TRPC4: variants seen among roughly 807,000 people sequenced by gnomAD.
TRPC4 encodes the protein transient receptor potential cation channel subfamily C member 4, also known as short transient receptor potential channel 4.
In TRPC4, 49 loss-of-function variants were observed where a neutral mutation model predicts 99.4. The observed-to-expected ratio is 0.49, with a 90% confidence interval of 0.39 to 0.63. The LOEUF (loss-of-function observed/expected upper bound fraction) is 0.63, where lower values mean the gene tolerates loss of function less well. Ranked by LOEUF, TRPC4 falls within the 20% of genes least tolerant of loss-of-function variation. TRPC4 has a pLI of 0.00. For missense variants in TRPC4, 898 were observed against 1,152.9 expected, an observed-to-expected ratio of 0.78 and a Z score of 3.20; for synonymous variants, 454 against 425.9, an observed-to-expected ratio of 1.07 and a Z score of -0.81.
intron 6 of TRPC4, among the ~76,000 whole-genome samples, chr13:37,659,261 C>T (rs771443523): frequency 1.3e-5 from 2 of 151,990 alleles, no homozygotes; most frequent in Non-Finnish European, 2.9e-5. Flanking sequence ...ACTATCAGTT[C>T]TCACAAGAGC....
chr13:37,642,736 C>CT (rs796528635), intron 8 of TRPC4, among the ~76,000 whole-genome samples: 2 of 2,802 alleles, frequency 7.1e-4, no homozygotes, highest in Admixed American at 8.2e-3. Context: ...CTTTCTTTTT[C>CT]TTTTTTTTTT....
intron 1 of TRPC4, among the ~76,000 whole-genome samples, chr13:37,851,755 C>T (rs1383006375): frequency 6.6e-6 from 1 of 152,168 alleles, no homozygotes. Flanking sequence ...GAGAGACAGT[C>T]TTAATTGCTG....
chr13:37,786,025 G>T (rs757374028), intron 1 of TRPC4, among the ~76,000 whole-genome samples: 5 of 151,910 alleles, frequency 3.3e-5, no homozygotes, highest in Non-Finnish European at 7.4e-5. Context: ...ATTTGCATTA[G>T]GTAATCTATT....
intron 1 of TRPC4, among the ~76,000 whole-genome samples, chr13:37,822,679 A>C (rs1958051379): frequency 6.6e-6 from 1 of 152,070 alleles, no homozygotes; most frequent in Non-Finnish European, 1.5e-5. Context: ...ATTGTTGGAC[A>C]TTTGGGTTGG....
At chr13:37,750,739 G>A (rs1245241337) in intron 2 of TRPC4, among the ~76,000 whole-genome samples, 1 of 151,938 alleles carries the variant, frequency 6.6e-6, no homozygotes, top group African/African-American at 2.4e-5. Flanking sequence ...ATGGTGGTTT[G>A]CTGCACCCAT....
intron 1 of TRPC4, among the ~76,000 whole-genome samples, chr13:37,783,649 T>C (rs1004067978): frequency 1.1e-4 from 17 of 152,104 alleles, no homozygotes; most frequent in African/African-American, 3.9e-4. Flanking sequence ...TTTATAGTTT[T>C]GGAAATTATT....
chr13:37,793,830 G>A (rs1445863561), intron 1 of TRPC4, among the ~76,000 whole-genome samples: 1 of 152,144 alleles, frequency 6.6e-6, no homozygotes, highest in Non-Finnish European at 1.5e-5. Flanking sequence ...TCTTTTGAAA[G>A]GTTCAAGTTG....
intron 1 of TRPC4, among the ~76,000 whole-genome samples, chr13:37,833,071 G>T (rs1260979774): frequency 6.6e-6 from 1 of 151,136 alleles, no homozygotes; most frequent in Admixed American, 6.6e-5. Context: ...CTTTTTTCTT[G>T]TTTATCTCTT....
At chr13:37,746,487 T>C in intron 2 of TRPC4, 32 bp from the exon 3 acceptor site, 8 of 1,558,720 alleles carry the variant, frequency 5.1e-6, no homozygotes, top group Non-Finnish European at 6.0e-6. Flanking sequence ...GTGATGAATA[T>C]TTATTCTTTT....
intron 1 of TRPC4, among the ~76,000 whole-genome samples, chr13:37,809,360 AGTT>A (rs752788090): frequency 1.3e-5 from 2 of 151,874 alleles, no homozygotes; most frequent in Non-Finnish European, 2.9e-5. Flanking sequence ...CTTATCCCGT[AGTT>A]GTTGTTGTTG....
intron 2 of TRPC4, among the ~76,000 whole-genome samples, chr13:37,778,059 T>G (rs9603258): frequency 0.45 from 68,763 of 151,874 alleles, 15,860 homozygotes; most frequent in Middle Eastern, 0.5. Context: ...ATAATATTCA[T>G]GATAGAGACA....
At chr13:37,742,763 A>G (rs1200870029) in intron 3 of TRPC4, among the ~76,000 whole-genome samples, 2 of 152,172 alleles carry the variant, frequency 1.3e-5, no homozygotes, top group African/African-American at 2.4e-5. Flanking sequence ...ATGAAGCAAG[A>G]CATGCTAAAG....
intron 2 of TRPC4, among the ~76,000 whole-genome samples, chr13:37,750,744 AC>A (rs1008317247): frequency 4.6e-5 from 7 of 151,928 alleles, no homozygotes; most frequent in African/African-American, 1.7e-4. Flanking sequence ...GGTTTGCTGC[AC>A]CCATCAACCC....
chr13:37,861,766 G>A (rs1281975937), intron 1 of TRPC4, among the ~76,000 whole-genome samples: 1 of 151,396 alleles, frequency 6.6e-6, no homozygotes, highest in Non-Finnish European at 1.5e-5. Flanking sequence ...AGCAAATAAC[G>A]CTTTCCCCAG....
In TRPC4 at chr13:37,763,618, C is replaced by T. The variant is rs190119739; in HGVS notation, c.379-17163G>A. On this transcript the variant is annotated intron_variant, in intron 2 of 10. Transcript: ENST00000379705. ...ATATGCTTTCCTCAGCCCTCTCTGG[C>T]CACCTGAGTACAAGCATACAATAGG... Among the ~76,000 whole-genome samples the T allele has an allele frequency of 2.4e-3, 360 of 151,718 alleles. 1 individual carries two copies. Among genetic ancestry groups the T allele is most frequent in the South Asian group, 4.6e-3 (22 of 4,822 alleles).
intron 7 of TRPC4, among the ~76,000 whole-genome samples, chr13:37,653,543 G>A (rs1045827673): frequency 6.6e-6 from 1 of 152,096 alleles, no homozygotes; most frequent in Non-Finnish European, 1.5e-5. Context: ...CCCCCAAGGA[G>A]ACTTCATGCA....
chr13:37,658,416 G>A (rs961720218), intron 6 of TRPC4, among the ~76,000 whole-genome samples: 2 of 152,042 alleles, frequency 1.3e-5, no homozygotes, highest in Admixed American at 6.6e-5. Context: ...AGAATTGAAC[G>A]TGTAAAAAAG....
Position 37,793,666 on chromosome 13 carries a change from G to C in TRPC4, c.-27-10306C>G, listed in dbSNP as rs80018294. On this transcript the variant is annotated intron_variant, in intron 1 of 10. Coordinates refer to ENST00000379705, the MANE Select transcript of TRPC4 (RefSeq NM_016179.4). ...AACTTTGCTGACCTCTAAAAGCTTA[G>C]AAATCTACCAATAAGATAAAAGTTA... Among the ~76,000 whole-genome samples, 1,288 of 152,138 alleles carry C rather than the reference G, an allele frequency of 8.5e-3. 18 individuals are homozygous for C. Among genetic ancestry groups the C allele is most frequent in the African/African-American group, 0.029 (1,213 of 41,504 alleles).
At chr13:37,781,955 G>A (rs534491927) in intron 2 of TRPC4, among the ~76,000 whole-genome samples, 3 of 152,150 alleles carry the variant, frequency 2.0e-5, no homozygotes, top group South Asian at 2.1e-4. Flanking sequence ...ACAGTCTAGC[G>A]TTTGCAGAGA....
Sources: allele counts gnomAD v4.1 joint callset (sites outside exome capture counted in the v4.1 genomes callset), GRCh38; gene constraint gnomAD v4.1.1; transcripts MANE v1.5; gene names NCBI Gene and HGNC (gene_info 2026-07-23, HGNC 2026-07-21).